Variants in DENND1B observed in about 807,000 individuals in gnomAD.
The protein encoded by DENND1B is DENN domain containing 1B.
A neutral mutation model predicts 90.1 loss-of-function variants in DENND1B; 59 were observed. The ratio of observed to expected loss-of-function variants is 0.65; its 90% confidence interval spans 0.53 to 0.81. The LOEUF (loss-of-function observed/expected upper bound fraction) is 0.81. Ranked by LOEUF, DENND1B falls within the 40% of genes least tolerant of loss-of-function variation. The pLI is 0.00. For synonymous variants in DENND1B, 337 were observed against 324.6 expected, an observed-to-expected ratio of 1.04 and a Z score of -0.41; for missense variants, 862 against 912.6, an observed-to-expected ratio of 0.94 and a Z score of 0.71.
Position 197,674,127 on chromosome 1 carries a change from C to T in DENND1B, c.169G>A (p.Val57Ile), listed in dbSNP as rs201455013. ...ATGATACTTATACTGTACCTTTCAACGTCAAAGGGAAAACAGAACTTTGGC... is the reference window on the plus strand; with the variant it reads ...ATGATACTTATACTGTACCTTTCAATGTCAAAGGGAAAACAGAACTTTGGC... The part of the protein sequence containing the change: ...SVPKFCFPFD[V>I]ERVSQNQVGQ... Residue 57 changes from valine (V) to isoleucine (I), a missense_variant, in exon 4 of 23, where the codon GTT becomes ATT. Coordinates refer to ENST00000620048, the MANE Select transcript of DENND1B (RefSeq NM_001195215.2). 58 of 1,598,696 alleles carry T rather than the reference C, an allele frequency of 3.6e-5. No individual in the cohort carries two copies. Among genetic ancestry groups the T allele is most frequent in the East Asian group, 9.0e-5 (4 of 44,630 alleles).
intron 10 of DENND1B, among the ~76,000 whole-genome samples, chr1:197,628,571 C>T (rs1269429515): frequency 6.6e-6 from 1 of 152,106 alleles, no homozygotes; most frequent in Non-Finnish European, 1.5e-5. Context: ...ACCATAAAAA[C>T]CCTAGAAGAA....
chr1:197,515,700 C>A (rs756424493), intron 20 of DENND1B, among the ~76,000 whole-genome samples: 1 of 151,802 alleles, frequency 6.6e-6, no homozygotes, highest in Non-Finnish European at 1.5e-5. Context: ...GCAAAACACT[C>A]TCACATACAC....
chr1:197,611,692 G>C (rs1409814223), intron 12 of DENND1B, among the ~76,000 whole-genome samples: 1 of 150,638 alleles, frequency 6.6e-6, no homozygotes, highest in African/African-American at 2.4e-5. Flanking sequence ...CTTACCATAT[G>C]ATTTCTACCA....
intron 2 of DENND1B, among the ~76,000 whole-genome samples, chr1:197,748,578 C>A (rs1410769632): frequency 2.0e-5 from 3 of 152,092 alleles, no homozygotes; most frequent in African/African-American, 4.8e-5. Flanking sequence ...GTGTCAGTAT[C>A]AGAGGGACAA....
intron 10 of DENND1B, 63 bp from the exon 11 acceptor site, chr1:197,617,822 T>A: frequency 9.1e-7 from 1 of 1,100,700 alleles, no homozygotes; most frequent in East Asian, 2.4e-5. Flanking sequence ...AAAAGCAATG[T>A]TCAATGTATC....
chr1:197,658,432 A>T (rs1572221196), intron 5 of DENND1B, 63 bp from the exon 6 acceptor site: 3 of 1,126,484 alleles, frequency 2.7e-6, no homozygotes, highest in African/African-American at 3.1e-5. Flanking sequence ...CAGACAATAT[A>T]AACATTTAAT....
chr1:197,632,325 AG>A (rs1385015279), intron 10 of DENND1B, among the ~76,000 whole-genome samples: 2 of 152,174 alleles, frequency 1.3e-5, no homozygotes, highest in African/African-American at 4.8e-5. Flanking sequence ...TAGATTTTGT[AG>A]TCTGATTTCT....
intron 2 of DENND1B, among the ~76,000 whole-genome samples, chr1:197,769,928 C>T (rs1656193096): frequency 6.6e-6 from 1 of 151,968 alleles, no homozygotes; most frequent in African/African-American, 2.4e-5. Flanking sequence ...TAAAATATTA[C>T]AGAAACATAA....
At chr1:197,589,823 T>C (rs1365964183) in intron 14 of DENND1B, among the ~76,000 whole-genome samples, 1 of 152,178 alleles carries the variant, frequency 6.6e-6, no homozygotes, top group Non-Finnish European at 1.5e-5. Context: ...CCAGGAAAGC[T>C]TGAGTGATGG....
At chr1:197,672,007 C>T (rs770813480) in intron 5 of DENND1B, 30 bp downstream of exon 5, 19 of 1,599,036 alleles carry the variant, frequency 1.2e-5, no homozygotes, top group Non-Finnish European at 1.6e-5. Context: ...ACCTATTTTG[C>T]ATCTAATTTT....
At chr1:197,759,047 G>A (rs1654672182) in intron 2 of DENND1B, among the ~76,000 whole-genome samples, 2 of 139,654 alleles carry the variant, frequency 1.4e-5, no homozygotes, top group Admixed American at 1.6e-4. Flanking sequence ...TCGGCTCAAT[G>A]CAACATCCAC....
chr1:197,550,732 C>T (rs1018295568), intron 16 of DENND1B, among the ~76,000 whole-genome samples: 6 of 151,138 alleles, frequency 4.0e-5, no homozygotes, highest in Non-Finnish European at 8.8e-5. Flanking sequence ...TTACTGGGTG[C>T]AGCACACCAA....
At chr1:197,517,155 G>T (rs1668458790) in intron 20 of DENND1B, among the ~76,000 whole-genome samples, 1 of 151,850 alleles carries the variant, frequency 6.6e-6, no homozygotes, top group African/African-American at 2.4e-5. Context: ...GACAGTAGTA[G>T]CATGAATGAG....
intron 10 of DENND1B, among the ~76,000 whole-genome samples, chr1:197,627,426 A>G (rs1678869178): frequency 6.6e-6 from 1 of 152,152 alleles, no homozygotes; most frequent in African/African-American, 2.4e-5. Flanking sequence ...AAAGACAAAA[A>G]CCACATGATT....
chr1:197,746,764 G>T, intron 2 of DENND1B: 1 of 1,403,294 alleles, frequency 7.1e-7, no homozygotes, highest in Non-Finnish European at 1.0e-6. Context: ...CATATCCCAT[G>T]TCACTTTGGG....
intron 3 of DENND1B, among the ~76,000 whole-genome samples, chr1:197,708,114 C>CT (rs1279313542): frequency 2.6e-5 from 3 of 113,398 alleles, no homozygotes; most frequent in Non-Finnish European, 5.3e-5. Context: ...GCACAGCAGT[C>CT]TGAGATCAAA....
chr1:197,536,130 G>GAGAT (rs1669865756), intron 20 of DENND1B, among the ~76,000 whole-genome samples: 1 of 137,062 alleles, frequency 7.3e-6, no homozygotes, highest in African/African-American at 2.7e-5. Context: ...GAGAGGGAGA[G>GAGAT]AGAGAGATTG....
chr1:197,557,866 A>T (rs1404808546), intron 15 of DENND1B, among the ~76,000 whole-genome samples: 1 of 151,854 alleles, frequency 6.6e-6, no homozygotes, highest in African/African-American at 2.4e-5. Context: ...AGATAAGAAA[A>T]TTTTTAGTTA....
At chr1:197,524,518 G>C (rs1329045702) in intron 20 of DENND1B, among the ~76,000 whole-genome samples, 1 of 152,084 alleles carries the variant, frequency 6.6e-6, no homozygotes, top group African/African-American at 2.4e-5. Flanking sequence ...ATTCCCGCAG[G>C]GGGTCTTTCT....
Sources: allele counts gnomAD v4.1 joint callset (sites outside exome capture counted in the v4.1 genomes callset), GRCh38; gene constraint gnomAD v4.1.1; transcripts MANE v1.5; gene names NCBI Gene and HGNC (gene_info 2026-07-23, HGNC 2026-07-21).